CSMD3: variants seen among roughly 807,000 people sequenced by gnomAD.
CSMD3 encodes the protein CUB and sushi domain-containing protein 3.
In CSMD3, 177 loss-of-function variants were observed where a neutral mutation model predicts 435.2. That is an observed-to-expected ratio of 0.41 (90% CI 0.36 to 0.46). CSMD3 has a LOEUF of 0.46. CSMD3 is among the 20% of genes least tolerant of loss of function. CSMD3 has a pLI of 0.34. For synonymous variants in CSMD3, 1,656 were observed against 1,520.5 expected (o/e 1.09, Z -2.07); for missense variants, 4,265 against 4,504.6 (o/e 0.95, Z 1.52).
chr8:112,945,574 G>A (rs974199511), intron 9 of CSMD3, among the ~76,000 whole-genome samples: 1 of 140,408 alleles, frequency 7.1e-6, no homozygotes, highest in Non-Finnish European at 1.5e-5. Context: ...AATATAATAA[G>A]AGAATACAGA....
At chr8:112,656,028 T>G (rs1397221083) in intron 18 of CSMD3, 126 bp downstream of exon 18, 2 of 623,148 alleles carry the variant, frequency 3.2e-6, no homozygotes, top group Non-Finnish European at 5.7e-6. Context: ...GCATTAACAT[T>G]CTTATAGATG....
intron 10 of CSMD3, among the ~76,000 whole-genome samples, chr8:112,881,100 C>G (rs544339871): frequency 5.9e-5 from 9 of 152,164 alleles, no homozygotes; most frequent in African/African-American, 1.9e-4. Context: ...ATGCACTCAA[C>G]TCTATGAGAA....
At chr8:112,625,224 C>G in intron 22 of CSMD3, among the ~76,000 whole-genome samples, 1 of 152,054 alleles carries the variant, frequency 6.6e-6, no homozygotes, top group South Asian at 2.1e-4. Flanking sequence ...AAATTGAAAA[C>G]TGGTATAACC....
chr8:113,167,908 A>C (rs1419593631), intron 4 of CSMD3, among the ~76,000 whole-genome samples: 3 of 152,202 alleles, frequency 2.0e-5, no homozygotes, highest in African/African-American at 7.2e-5. Flanking sequence ...TATTGCTCAG[A>C]TACTGGCAAG....
At chr8:112,908,409 C>G (rs1479411335) in intron 10 of CSMD3, among the ~76,000 whole-genome samples, 2 of 151,370 alleles carry the variant, frequency 1.3e-5, no homozygotes, top group African/African-American at 4.8e-5. Flanking sequence ...TGGCTTATAT[C>G]TTTATAACTT....
chr8:112,366,542 T>G (rs964905889), intron 38 of CSMD3, among the ~76,000 whole-genome samples: 1 of 152,102 alleles, frequency 6.6e-6, no homozygotes, highest in African/African-American at 2.4e-5. Flanking sequence ...GGATTACAAG[T>G]GCATGACAGT....
At chr8:112,919,540 C>T (rs1031727245) in intron 10 of CSMD3, among the ~76,000 whole-genome samples, 1 of 151,774 alleles carries the variant, frequency 6.6e-6, no homozygotes, top group African/African-American at 2.4e-5. Flanking sequence ...GATTTTGTTC[C>T]TACATTAACA....
chr8:112,371,900 CA>C (rs1586906520), intron 38 of CSMD3, among the ~76,000 whole-genome samples: 2 of 151,182 alleles, frequency 1.3e-5, no homozygotes, highest in South Asian at 2.1e-4. Context: ...AAAAAAAAAC[CA>C]AAAAAACAAA....
Position 112,398,764 on chromosome 8 carries a change from C to T in CSMD3, c.5809+7760G>A, listed in dbSNP as rs933237437. On this transcript the variant is annotated intron_variant, in intron 35 of 70. Transcript: ENST00000297405. ...GGTAGCCTGGATGATCTCTAAAATG[C>T]ACTCAGGTTCATTCTTCCTTTGTTT... 7.2e-5 allele frequency among the ~76,000 whole-genome samples: 11 copies of T among 152,140 alleles called. 1 individual carries two copies. Among genetic ancestry groups the T allele is most frequent in the Admixed American group, 5.2e-4 (8 of 15,278 alleles).
chr8:112,680,421 A>G (rs1385721795), intron 16 of CSMD3, among the ~76,000 whole-genome samples: 2 of 152,322 alleles, frequency 1.3e-5, no homozygotes, highest in Admixed American at 6.5e-5. Context: ...TGGTTCCCCA[A>G]AGCCGGATCA....
chr8:113,270,034 G>A (rs1425431018), intron 3 of CSMD3, among the ~76,000 whole-genome samples: 3 of 151,388 alleles, frequency 2.0e-5, no homozygotes, highest in East Asian at 3.9e-4. Flanking sequence ...GCAACCTACA[G>A]AATGGGAGAA....
chr8:112,371,096 A>C (rs769714168), intron 38 of CSMD3, among the ~76,000 whole-genome samples: 1 of 152,144 alleles, frequency 6.6e-6, no homozygotes, highest in Non-Finnish European at 1.5e-5. Flanking sequence ...CTGGCCTCCT[A>C]CTGGGGATCT....
chr8:112,455,454 G>T (rs375462292), intron 32 of CSMD3, among the ~76,000 whole-genome samples: 7 of 151,984 alleles, frequency 4.6e-5, no homozygotes, highest in African/African-American at 1.7e-4. Flanking sequence ...ACTACCTATT[G>T]GGTATTATGT....
At position 112,722,706 on chromosome 8, in the gene CSMD3, T is replaced by C. The variant is rs183240195; in HGVS notation, c.1973-32656A>G. The stretch of plus-strand genomic sequence containing the variant: ...TACTTTTTCTTATTCTTTCAGTGTT[T>C]CTGAAGGTTTTAAACTTTTCAAAAT... On this transcript the variant is annotated intron_variant, in intron 13 of 70. Coordinates refer to ENST00000297405, the MANE Select transcript of CSMD3 (RefSeq NM_198123.2). 4.8e-3 allele frequency among the ~76,000 whole-genome samples: 729 copies of C among 152,314 alleles called. 10 individuals are homozygous for C. The highest frequency in any genetic ancestry group is 0.017 in the African/African-American group (704 of 41,574).
intron 4 of CSMD3, among the ~76,000 whole-genome samples, chr8:113,167,143 C>T (rs190406067): frequency 3.3e-5 from 5 of 152,074 alleles, no homozygotes; most frequent in Admixed American, 2.6e-4. Flanking sequence ...TTTAAATATT[C>T]TCCACTATTT....
intron 4 of CSMD3, among the ~76,000 whole-genome samples, chr8:113,151,298 C>T (rs1315515173): frequency 6.6e-6 from 1 of 151,882 alleles, no homozygotes; most frequent in African/African-American, 2.4e-5. Flanking sequence ...TTAGCCTTCA[C>T]ATATATTCAT....
At chr8:112,296,371 G>A (rs1459604023) in intron 53 of CSMD3, among the ~76,000 whole-genome samples, 1 of 151,958 alleles carries the variant, frequency 6.6e-6, no homozygotes, top group Non-Finnish European at 1.5e-5. Context: ...CTAACACGAT[G>A]AAACCCCGTC....
intron 2 of CSMD3, among the ~76,000 whole-genome samples, chr8:113,295,008 TTCC>T (rs2093709976): frequency 6.6e-6 from 1 of 152,134 alleles, no homozygotes; most frequent in African/African-American, 2.4e-5. Context: ...TATCCTTATT[TTCC>T]ATAAAGTTTA....
At chr8:113,153,113 GAA>G (rs1462291277) in intron 4 of CSMD3, among the ~76,000 whole-genome samples, 95 of 86,268 alleles carry the variant, frequency 1.1e-3, no homozygotes, top group South Asian at 5.9e-3. Context: ...AAGAAAGAAA[GAA>G]AGAAAGAAAG....
Sources: gnomAD v4.1 joint callset for allele counts (sites outside exome capture counted in the v4.1 genomes callset) on GRCh38, gnomAD v4.1.1 for gene constraint, MANE v1.5 for transcripts, NCBI Gene and HGNC (gene_info 2026-07-23, HGNC 2026-07-21) for gene names.